The following CTNNA3 variants were observed in gnomAD, a reference collection of about 807,000 sequenced individuals.
CTNNA3 encodes the protein catenin alpha-3.
Under a neutral mutation model 95.7 loss-of-function variants are expected in CTNNA3, and 76 were observed. The observed-to-expected ratio is 0.79, with a 90% CI of 0.66 to 0.96. CTNNA3 has a LOEUF of 0.96. Ranked by LOEUF, CTNNA3 falls within the 40% of genes least tolerant of loss-of-function variation. The pLI is 0.00. For missense variants in CTNNA3, 1,191 were observed against 1,089.8 expected, an observed-to-expected ratio of 1.09 and a Z score of -1.31; for synonymous variants, 431 against 374.4, an observed-to-expected ratio of 1.15 and a Z score of -1.74.
intron 11 of CTNNA3, among the ~76,000 whole-genome samples, chr10:66,475,439 A>T (rs1839289188): frequency 2.0e-5 from 3 of 151,860 alleles, no homozygotes; most frequent in Non-Finnish European, 2.9e-5. Context: ...GGTTGCAAAA[A>T]TTTTTTCCCA....
At chr10:66,148,508 C>T (rs2084015687) in intron 13 of CTNNA3, among the ~76,000 whole-genome samples, 2 of 152,014 alleles carry the variant, frequency 1.3e-5, no homozygotes, top group South Asian at 4.2e-4. Context: ...GTGCCCTTAT[C>T]AAAGTGACTG....
At chr10:66,121,218 A>G (rs375100555) in intron 13 of CTNNA3, among the ~76,000 whole-genome samples, 8 of 152,262 alleles carry the variant, frequency 5.3e-5, no homozygotes, top group African/African-American at 1.9e-4. Context: ...AAATTATGTC[A>G]AGTTTCTTCA....
chr10:67,179,101 A>G (rs1862380957), intron 7 of CTNNA3, among the ~76,000 whole-genome samples: 1 of 152,072 alleles, frequency 6.6e-6, no homozygotes, highest in Non-Finnish European at 1.5e-5. Flanking sequence ...TTATTCACAT[A>G]ATTGAACAAT....
At chr10:67,709,529 C>T (rs567561915) in intron 1 of CTNNA3, among the ~76,000 whole-genome samples, 9 of 152,190 alleles carry the variant, frequency 5.9e-5, no homozygotes, top group African/African-American at 2.2e-4. Context: ...TTCATCTAGG[C>T]CCATTTATGT....
At chr10:67,699,589 T>C (rs1353482102), upstream of CTNNA3, among the ~76,000 whole-genome samples, 1 of 152,180 alleles carries the variant, frequency 6.6e-6, no homozygotes, top group African/African-American at 2.4e-5. Context: ...TATTTGAGGA[T>C]AGACATTTCA....
chr10:67,559,151 G>C (rs576379044), intron 3 of CTNNA3, among the ~76,000 whole-genome samples: 1 of 152,212 alleles, frequency 6.6e-6, no homozygotes, highest in African/African-American at 2.4e-5. Context: ...CTCCCAGCAC[G>C]CAGCTGGAGA....
chr10:66,540,407 A>C (rs1046343858), intron 10 of CTNNA3, among the ~76,000 whole-genome samples: 1 of 152,174 alleles, frequency 6.6e-6, no homozygotes, highest in Non-Finnish European at 1.5e-5. Flanking sequence ...ACTGAGGGAC[A>C]GTACAGGAGG....
chr10:66,978,234 T>G (rs1460144850), intron 7 of CTNNA3, among the ~76,000 whole-genome samples: 1 of 151,948 alleles, frequency 6.6e-6, no homozygotes, highest in Non-Finnish European at 1.5e-5. Flanking sequence ...GTTAACAATA[T>G]TGTATTGTGG....
intron 8 of CTNNA3, among the ~76,000 whole-genome samples, chr10:66,772,541 G>A (rs1840134214): frequency 6.6e-6 from 1 of 152,080 alleles, no homozygotes; most frequent in African/African-American, 2.4e-5. Context: ...TAAGAATAAT[G>A]GGGATTAAGT....
chr10:67,519,835 A>G (rs1051013453), intron 5 of CTNNA3, among the ~76,000 whole-genome samples: 1 of 152,188 alleles, frequency 6.6e-6, no homozygotes, highest in Non-Finnish European at 1.5e-5. Flanking sequence ...CTTTTCCATT[A>G]GAAGAAAAAC....
chr10:66,835,416 G>C (rs1842854004), intron 7 of CTNNA3, among the ~76,000 whole-genome samples: 1 of 152,192 alleles, frequency 6.6e-6, no homozygotes, highest in Admixed American at 6.5e-5. Context: ...TTTAGGCCTG[G>C]GGCCCAGCAA....
chr10:66,730,452 G>A (rs929896706), intron 9 of CTNNA3, among the ~76,000 whole-genome samples: 5 of 152,146 alleles, frequency 3.3e-5, no homozygotes, highest in Admixed American at 6.5e-5. Flanking sequence ...GGAGCCTGTC[G>A]GCATGGGGTG....
intron 16 of CTNNA3, among the ~76,000 whole-genome samples, chr10:65,970,759 A>G (rs1217678102): frequency 6.7e-6 from 1 of 149,622 alleles, no homozygotes; most frequent in Non-Finnish European, 1.5e-5. Context: ...TAAACCAACA[A>G]CAGTAATAAA....
intron 13 of CTNNA3, among the ~76,000 whole-genome samples, chr10:66,198,644 TAG>T (rs1444430094): frequency 6.6e-6 from 1 of 152,120 alleles, no homozygotes; most frequent in Admixed American, 6.5e-5. Context: ...ATCTTCCCAA[TAG>T]TTTTCAATTA....
chr10:66,549,658 C>G (rs1419628111), intron 10 of CTNNA3, among the ~76,000 whole-genome samples: 1 of 152,178 alleles, frequency 6.6e-6, no homozygotes, highest in Admixed American at 6.5e-5. Flanking sequence ...GCTTTTCCTA[C>G]AAATTGTAAT....
At chr10:66,984,372 AG>A (rs1004116404) in intron 7 of CTNNA3, among the ~76,000 whole-genome samples, 1 of 152,192 alleles carries the variant, frequency 6.6e-6, no homozygotes, top group Non-Finnish European at 1.5e-5. Context: ...GGGAACAAGA[AG>A]GAAGGTTAAA....
intron 5 of CTNNA3, among the ~76,000 whole-genome samples, chr10:67,365,922 C>T (rs1843196794): frequency 6.6e-6 from 1 of 152,204 alleles, no homozygotes; most frequent in South Asian, 2.1e-4. Context: ...AAGATGCATG[C>T]GCACGTATGT....
At chr10:67,523,392 A>G (rs1342616755) in intron 4 of CTNNA3, among the ~76,000 whole-genome samples, 3 of 152,156 alleles carry the variant, frequency 2.0e-5, no homozygotes, top group Non-Finnish European at 4.4e-5. Context: ...TTTAATCTTC[A>G]CAAGAACCAC....
intron 12 of CTNNA3, among the ~76,000 whole-genome samples, chr10:66,295,788 T>C (rs191934365): frequency 2.0e-5 from 3 of 152,256 alleles, no homozygotes; most frequent in Non-Finnish European, 4.4e-5. Flanking sequence ...CAGCACATCA[T>C]CTCTGAACAC....
Sources: allele counts gnomAD v4.1 joint callset (sites outside exome capture counted in the v4.1 genomes callset), GRCh38; gene constraint gnomAD v4.1.1; transcripts MANE v1.5; gene names NCBI Gene and HGNC (gene_info 2026-07-23, HGNC 2026-07-21).